NR3C2: variants seen among roughly 807,000 people sequenced by gnomAD.
The protein encoded by NR3C2 is mineralocorticoid receptor.
Under a neutral mutation model 86.4 loss-of-function variants are expected in NR3C2, and 15 were observed. That is an observed-to-expected ratio of 0.17 (90% confidence interval 0.12 to 0.27). The LOEUF (loss-of-function observed/expected upper bound fraction) is 0.27, where lower values mean the gene tolerates loss of function less well. Ranked by LOEUF, NR3C2 falls within the 10% of genes least tolerant of loss-of-function variation. The pLI, the probability that NR3C2 is intolerant of heterozygous loss-of-function variation, is 1.00. For missense variants in NR3C2, 960 were observed against 1,195.6 expected, an observed-to-expected ratio of 0.80 and a Z score of 2.91; for synonymous variants, 458 against 450.5, an observed-to-expected ratio of 1.02 and a Z score of -0.21.
chr4:148,136,012 C>G (rs576427874), intron 6 of NR3C2, among the ~76,000 whole-genome samples: 72 of 120,048 alleles, frequency 6.0e-4, no homozygotes, highest in African/African-American at 2.0e-3. Context: ...AGCCGAGATC[C>G]CGCCACTGCA....
intron 6 of NR3C2, among the ~76,000 whole-genome samples, chr4:148,128,232 C>T (rs761391053): frequency 1.1e-4 from 16 of 152,126 alleles, no homozygotes; most frequent in East Asian, 1.9e-4. Flanking sequence ...TTATGTCAAC[C>T]GTGTTGCCCT....
intron 2 of NR3C2, among the ~76,000 whole-genome samples, chr4:148,414,113 A>C (rs1411821072): frequency 6.6e-6 from 1 of 152,226 alleles, no homozygotes. Context: ...TTACAGTAAA[A>C]TAAACTACAT....
chr4:148,371,620 A>G (rs930024061), intron 2 of NR3C2, among the ~76,000 whole-genome samples: 3 of 86,818 alleles, frequency 3.5e-5, no homozygotes, highest in Non-Finnish European at 7.5e-5. Flanking sequence ...ACTAGAAGAG[A>G]AAAAAAAAAG....
intron 3 of NR3C2, among the ~76,000 whole-genome samples, chr4:148,198,289 T>C (rs1372408805): frequency 2.6e-5 from 4 of 152,226 alleles, no homozygotes; most frequent in Non-Finnish European, 1.5e-5. Context: ...CTCATTATTT[T>C]AAAAGTTACT....
intron 3 of NR3C2, among the ~76,000 whole-genome samples, chr4:148,199,080 C>CAAAA (rs60075012): frequency 2.4e-4 from 9 of 37,426 alleles, no homozygotes; most frequent in African/African-American, 4.9e-4. Context: ...GACTCCATCT[C>CAAAA]AAAAAAAAAA....
At chr4:148,192,642 G>A (rs377188480) in intron 4 of NR3C2, among the ~76,000 whole-genome samples, 1 of 151,478 alleles carries the variant, frequency 6.6e-6, no homozygotes, top group Non-Finnish European at 1.5e-5. Flanking sequence ...CTCTCCTTGG[G>A]TGGGTCTTGC....
At chr4:148,263,135 C>T (rs1242497074) in intron 2 of NR3C2, among the ~76,000 whole-genome samples, 1 of 152,178 alleles carries the variant, frequency 6.6e-6, no homozygotes, top group Admixed American at 6.5e-5. Flanking sequence ...ATCCACAATC[C>T]TAGCTTCAAA....
At chr4:148,125,647 C>A (rs1732709619) in intron 6 of NR3C2, among the ~76,000 whole-genome samples, 1 of 152,008 alleles carries the variant, frequency 6.6e-6, no homozygotes, top group African/African-American at 2.4e-5. Flanking sequence ...AGTTTAGTTC[C>A]ATCATTTTGA....
intron 2 of NR3C2, among the ~76,000 whole-genome samples, chr4:148,370,382 A>AG (rs1363724195): frequency 1.3e-5 from 2 of 152,212 alleles, no homozygotes; most frequent in Admixed American, 6.5e-5. Context: ...GTAAAAAAAA[A>AG]ATACTAAGCA....
At chr4:148,197,934 C>T (rs964934894) in intron 3 of NR3C2, among the ~76,000 whole-genome samples, 5 of 152,012 alleles carry the variant, frequency 3.3e-5, no homozygotes, top group African/African-American at 7.2e-5. Flanking sequence ...GTCATCCATC[C>T]GTGTACTCGA....
At chr4:148,330,350 C>T (rs977900024) in intron 2 of NR3C2, among the ~76,000 whole-genome samples, 6 of 152,288 alleles carry the variant, frequency 3.9e-5, no homozygotes, top group Non-Finnish European at 7.3e-5. Flanking sequence ...AGAAGCACAA[C>T]TGGTCCATCC....
chr4:148,092,851 G>A (rs907522608), intron 8 of NR3C2, among the ~76,000 whole-genome samples: 3 of 152,126 alleles, frequency 2.0e-5, no homozygotes, highest in Non-Finnish European at 2.9e-5. Flanking sequence ...TGGTCATAGC[G>A]ACGAAGCCAA....
chr4:148,440,284 A>C (rs2126667758), intron 1 of NR3C2, among the ~76,000 whole-genome samples: 1 of 152,330 alleles, frequency 6.6e-6, no homozygotes, highest in East Asian at 1.9e-4. Context: ...AAATGGGTCC[A>C]GTTAGGAATT....
rs773666945 is a variant in NR3C2 at position 148,081,506 on chromosome 4, C to CACAG, written c.2800-11_2800-8dup. On this transcript the variant is annotated splice_polypyrimidine_tract_variant and splice_region_variant and intron_variant, in intron 8 of 8. Coordinates refer to ENST00000358102, the MANE Select transcript of NR3C2 (RefSeq NM_000901.5). ...CCAGCAGGTCGCTCACCAGCTGTAACACAGACACAGGGGGCATGACACGGG... is the reference window on the plus strand; with the variant it reads ...CCAGCAGGTCGCTCACCAGCTGTAACACAGACAGACACAGGGGGCATGACACGGG... 1 of 1,613,484 alleles carries CACAG rather than the reference C, an allele frequency of 6.2e-7. No individual in the cohort carries two copies. Among genetic ancestry groups the CACAG allele is most frequent in the South Asian group, 1.1e-5 (1 of 91,070 alleles).
chr4:148,352,424 CT>C (rs1171503865), intron 2 of NR3C2, among the ~76,000 whole-genome samples: 1 of 144,004 alleles, frequency 6.9e-6, no homozygotes, highest in African/African-American at 2.6e-5. Context: ...ATCTATCTAT[CT>C]ATCTCCTTGT....
At chr4:148,249,389 A>G (rs533725749) in intron 3 of NR3C2, among the ~76,000 whole-genome samples, 12 of 152,338 alleles carry the variant, frequency 7.9e-5, no homozygotes, top group Non-Finnish European at 1.5e-4. Context: ...AATACTGTAC[A>G]TAAGTATGAA....
At position 148,080,341 on chromosome 4, in the gene NR3C2, C is replaced by G. The variant is rs975745234; in HGVS notation, c.*1003G>C. ...GAGGTTTCAGTGTGGTTATTTACAACAGAGACTGTAAAATAATGGTAAATT... is the reference window on the plus strand; with the variant it reads ...GAGGTTTCAGTGTGGTTATTTACAAGAGAGACTGTAAAATAATGGTAAATT... On this transcript the variant is annotated 3_prime_UTR_variant, in exon 9 of 9. Coordinates refer to ENST00000358102, the MANE Select transcript of NR3C2 (RefSeq NM_000901.5). The G allele has an allele frequency of 6.6e-6, 1 of 152,618 alleles. No individual in the cohort carries two copies. The highest frequency in any genetic ancestry group is 1.5e-5 in the Non-Finnish European group (1 of 68,046). 9.5% of individuals were successfully genotyped at this position (152,618 alleles called of 1,614,324 possible). A position where few individuals can be genotyped will look rare whatever the true frequency, so the allele number is the denominator to read the frequency against.
At chr4:148,166,181 C>G (rs1311787096) in intron 4 of NR3C2, among the ~76,000 whole-genome samples, 1 of 152,226 alleles carries the variant, frequency 6.6e-6, no homozygotes, top group Non-Finnish European at 1.5e-5. Context: ...TGGAAACTCC[C>G]AGATAAAGCA....
rs1176012370 is a variant in NR3C2, at chr4:148,080,871, T to TA, written c.*472_*473insT. On this transcript the variant is annotated 3_prime_UTR_variant, in exon 9 of 9. Transcript: ENST00000358102. The stretch of plus-strand genomic sequence containing the variant: ...ACAACAGGAATCTGTATATATTTTT[T>TA]TATTATTTTTTTGTGTTTTTTTAAT... 2.7e-6 allele frequency: 1 copy of TA among 367,512 alleles called. No homozygotes were observed. Among genetic ancestry groups the TA allele is most frequent in the South Asian group, 2.0e-5 (1 of 50,148 alleles). The allele number at this position is 367,512 out of a possible 1,614,324, so 22.8% of individuals were successfully genotyped here. A position where few individuals can be genotyped will look rare whatever the true frequency, so the allele number is the denominator to read the frequency against.
Sources: allele counts gnomAD v4.1 joint callset (sites outside exome capture counted in the v4.1 genomes callset), GRCh38; gene constraint gnomAD v4.1.1; transcripts MANE v1.5; gene names NCBI Gene and HGNC (gene_info 2026-07-23, HGNC 2026-07-21).